CCDC73: variants seen among roughly 807,000 people sequenced by gnomAD.
The protein encoded by CCDC73 is coiled-coil domain-containing protein 73.
CCDC73 carries 95 observed loss-of-function variants against 116.5 expected under a neutral mutation model. The observed-to-expected ratio is 0.82, with a 90% CI of 0.69 to 0.97. The LOEUF is 0.97. Ranked by LOEUF, CCDC73 falls within the 50% of genes least tolerant of loss-of-function variation. The pLI is 0.00. For missense variants in CCDC73, 1,066 were observed against 1,206.8 expected (o/e 0.88, Z 1.73); for synonymous variants, 398 against 401.3 (o/e 0.99, Z 0.10).
At chr11:32,659,866 A>G (rs968046532) in intron 9 of CCDC73, among the ~76,000 whole-genome samples, 15 of 152,182 alleles carry the variant, frequency 9.9e-5, no homozygotes, top group African/African-American at 3.6e-4. Context: ...ACAAGAGGCC[A>G]ATTCAGGTAT....
At chr11:32,685,435 C>T (rs1390046380) in intron 6 of CCDC73, among the ~76,000 whole-genome samples, 1 of 152,018 alleles carries the variant, frequency 6.6e-6, no homozygotes, top group African/African-American at 2.4e-5. Flanking sequence ...TCTGAGATAG[C>T]AAATTCTGAG....
chr11:32,604,524 G>C (rs922642047), intron 17 of CCDC73: 4 of 152,084 alleles, frequency 2.6e-5, no homozygotes, highest in African/African-American at 4.8e-5. Flanking sequence ...AAATCTTCTG[G>C]TCTCTTTTCT....
chr11:32,608,023 G>GC (rs59425986), intron 17 of CCDC73, among the ~76,000 whole-genome samples: 98 of 151,656 alleles, frequency 6.5e-4, no homozygotes, highest in Admixed American at 2.0e-3. Context: ...GGAAAGACCG[G>GC]CCCCCCCCAC....
At chr11:32,820,796 CTTAT>C in the CCDC73 span, among the ~76,000 whole-genome samples, 10 of 152,136 alleles carry the variant, frequency 6.6e-5, no homozygotes, top group Admixed American at 5.2e-4. Context: ...AACAAAAAAA[CTTAT>C]TTAAATTTTT....
At chr11:32,654,371 A>C (rs956520352) in intron 10 of CCDC73, among the ~76,000 whole-genome samples, 1 of 152,104 alleles carries the variant, frequency 6.6e-6, no homozygotes, top group Non-Finnish European at 1.5e-5. Flanking sequence ...ACGAGGTTTC[A>C]TCATGTTGGC....
At chr11:32,721,726 TGG>T (rs1849991469) in intron 2 of CCDC73, among the ~76,000 whole-genome samples, 1 of 150,592 alleles carries the variant, frequency 6.6e-6, no homozygotes, top group Non-Finnish European at 1.5e-5. Context: ...CCCGAGTAGC[TGG>T]GAGGGACTAC....
chr11:32,759,252 A>G (rs1251502477), intron 2 of CCDC73, among the ~76,000 whole-genome samples: 1 of 151,890 alleles, frequency 6.6e-6, no homozygotes, highest in Non-Finnish European at 1.5e-5. Flanking sequence ...TTAGACCCAT[A>G]CAAGTCTCAG....
At chr11:32,632,363 CT>C (rs1292210077) in intron 14 of CCDC73, among the ~76,000 whole-genome samples, 3 of 152,102 alleles carry the variant, frequency 2.0e-5, no homozygotes, top group Non-Finnish European at 2.9e-5. Flanking sequence ...GTAGCTGGAA[CT>C]ACAGGCGCGT....
At chr11:32,717,676 A>G (rs749533738) in intron 3 of CCDC73, among the ~76,000 whole-genome samples, 6 of 152,230 alleles carry the variant, frequency 3.9e-5, no homozygotes, top group Admixed American at 2.0e-4. Flanking sequence ...TATAAATACT[A>G]ATCTGAGAGA....
chr11:32,631,706 C>G (rs187054054), intron 14 of CCDC73, among the ~76,000 whole-genome samples: 6 of 152,162 alleles, frequency 3.9e-5, no homozygotes, highest in Admixed American at 1.3e-4. Flanking sequence ...AGCAAGCTAG[C>G]TGGTGTGGTG....
chr11:32,676,052 C>A, intron 7 of CCDC73, 31 bp from the exon 8 acceptor site: 1 of 1,537,952 alleles, frequency 6.5e-7, no homozygotes, highest in Non-Finnish European at 8.8e-7. Context: ...AAATGTTATA[C>A]ATATAACACA....
chr11:32,817,866 C>A, the CCDC73 span, among the ~76,000 whole-genome samples: 1 of 152,170 alleles, frequency 6.6e-6, no homozygotes, highest in South Asian at 2.1e-4. Flanking sequence ...GATGAAAATT[C>A]ATATCACGAG....
At chr11:32,762,368 T>G (rs1261769221) in intron 1 of CCDC73, among the ~76,000 whole-genome samples, 1 of 152,218 alleles carries the variant, frequency 6.6e-6, no homozygotes, top group Non-Finnish European at 1.5e-5. Flanking sequence ...CACTAACAGC[T>G]ATCTTTACCC....
chr11:32,670,521 C>CA lies in CCDC73; in HGVS notation c.645+5043dup, dbSNP rs11334231. On this transcript the variant is annotated intron_variant, in intron 9 of 17. Coordinates refer to ENST00000335185, the MANE Select transcript of CCDC73 (RefSeq NM_001008391.4). ...TGGGCAACAGAGCAAGGCTCTGTCT[C>CA]AAAAAAAAAAAAAAAAATTATTGAT... 2.8e-3 allele frequency among the ~76,000 whole-genome samples: 390 copies of CA among 138,608 alleles called. 3 individuals carry two copies. The highest frequency in any genetic ancestry group is 7.3e-3 in the African/African-American group (272 of 37,246). 90.9% of individuals were successfully genotyped at this position (138,608 alleles called of 152,430 possible). A position where few individuals can be genotyped will look rare whatever the true frequency, so the allele number is the denominator to read the frequency against.
At position 32,780,277 on chromosome 11, in the gene CCDC73, AAATAAT is replaced by A. The variant is rs575459203; in HGVS notation, c.-16+14330_-16+14335del. Reference sequence around the variant, plus strand: ...CAACACAGGAAGGCTCTGTCTCAAAAAATAATAATAATAAATAAATAAATAAAATAA... The same window carrying A: ...CAACACAGGAAGGCTCTGTCTCAAAAAATAATAAATAAATAAATAAAATAA... On this transcript the variant is annotated intron_variant, in intron 1 of 17. Transcript: ENST00000335185. Among the ~76,000 whole-genome samples, 253 of 152,082 alleles carry A rather than the reference AAATAAT, an allele frequency of 1.7e-3. 1 individual carries two copies. Among genetic ancestry groups the A allele is most frequent in the African/African-American group, 6.1e-3 (252 of 41,528 alleles).
chr11:32,825,205 T>C, the CCDC73 span, among the ~76,000 whole-genome samples: 3 of 151,982 alleles, frequency 2.0e-5, no homozygotes, highest in Non-Finnish European at 4.4e-5. Context: ...AGATCCTGGT[T>C]GGTATATTTC....
intron 9 of CCDC73, among the ~76,000 whole-genome samples, chr11:32,667,670 TG>T (rs1256685832): frequency 6.6e-6 from 1 of 152,168 alleles, no homozygotes; most frequent in Non-Finnish European, 1.5e-5. Flanking sequence ...CCCACTGCTC[TG>T]CACCCACTGT....
chr11:32,763,948 G>A (rs966963238), intron 1 of CCDC73, among the ~76,000 whole-genome samples: 6 of 152,148 alleles, frequency 3.9e-5, no homozygotes, highest in Admixed American at 6.5e-5. Flanking sequence ...ACCATGGCAC[G>A]AGAACTACAT....
chr11:32,744,901 T>C (rs1158448576), intron 2 of CCDC73, among the ~76,000 whole-genome samples: 1 of 152,192 alleles, frequency 6.6e-6, no homozygotes, highest in Non-Finnish European at 1.5e-5. Flanking sequence ...TATCTCTATC[T>C]CCTTCAGTTC....
Sources: allele counts gnomAD v4.1 joint callset (sites outside exome capture counted in the v4.1 genomes callset), GRCh38; gene constraint gnomAD v4.1.1; transcripts MANE v1.5; gene names NCBI Gene and HGNC (gene_info 2026-07-23, HGNC 2026-07-21).